Variants in TMEM132E observed in about 807,000 individuals in gnomAD.
TMEM132E encodes transmembrane protein 132E.
A neutral mutation model predicts 78.5 loss-of-function variants in TMEM132E; 49 were observed. The ratio of observed to expected loss-of-function variants is 0.62; its 90% confidence interval spans 0.50 to 0.79. The LOEUF (loss-of-function observed/expected upper bound fraction) is 0.79. Among genes scored for constraint, TMEM132E ranks in the 30% least tolerant of loss-of-function variants. The probability of loss-of-function intolerance (pLI) is 0.00; values close to 1 mark genes in which losing one functional copy is unlikely to be tolerated. For synonymous variants in TMEM132E, 715 were observed against 670.6 expected (o/e 1.07, Z -1.02); for missense variants, 1,403 against 1,470.9 (o/e 0.95, Z 0.75).
rs376399991 is a variant in TMEM132E, at chr17:34,596,140, G to A, written c.67+14997G>A. Among the ~76,000 whole-genome samples the A allele has an allele frequency of 1.2e-4, 18 of 152,276 alleles. No individual in the cohort carries two copies. In the East Asian group the frequency reaches 1.7e-3, roughly 15 times the overall value. ...CCCAGTGAAGGCCATCTTTAGAAGA[G>A]AGATTTCCCCTGTCTGGGGTGTGGC... is the stretch of plus-strand genomic sequence containing the variant. On this transcript the variant is annotated intron_variant, in intron 1 of 8. Coordinates refer to ENST00000631683, the MANE Select transcript of TMEM132E (RefSeq NM_001304438.2).
intron 1 of TMEM132E, among the ~76,000 whole-genome samples, chr17:34,613,174 T>TACAC (rs1052726474): frequency 0.028 from 3,069 of 109,214 alleles, 153 homozygotes; most frequent in African/African-American, 0.088. Flanking sequence ...TCTCTCTCTC[T>TACAC]ACACACACAC....
intron 3 of TMEM132E, 59 bp downstream of exon 3, chr17:34,628,768 G>C: frequency 6.7e-7 from 1 of 1,500,456 alleles, no homozygotes; most frequent in Non-Finnish European, 8.9e-7. Flanking sequence ...TGAGAGGAGT[G>C]GGGAATCTTT....
chr17:34,580,207 T>G lies in TMEM132E; in HGVS notation c.-870T>G, dbSNP rs1225064925. ...CAGGAAGGGCTCGGGGCAGGGCGCA[T>G]TAGCCGGCTTTCTCGCTCCCTCGCT... On this transcript the variant is annotated 5_prime_UTR_variant, in exon 1 of 9. Transcript: ENST00000631683. 6.6e-6 allele frequency: 1 copy of G among 152,362 alleles called. No individual in the cohort carries two copies. Among genetic ancestry groups the G allele is most frequent in the African/African-American group, 2.4e-5 (1 of 41,462 alleles). The allele number at this position is 152,362 out of a possible 1,614,324, so 9.4% of individuals were successfully genotyped here. A position where few individuals can be genotyped will look rare whatever the true frequency, so the allele number is the denominator to read the frequency against.
rs147988773 is a variant in TMEM132E at position 34,594,699 on chromosome 17, C to T, written c.67+13556C>T. On this transcript the variant is annotated intron_variant, in intron 1 of 8. Coordinates refer to ENST00000631683, the MANE Select transcript of TMEM132E (RefSeq NM_001304438.2). Reference sequence around the variant, plus strand: ...CGAACTCTTGGGCTCAAGTGATCCTCCTGCCTCAGCCTCCTGAGTAGTAGC... The same window carrying T: ...CGAACTCTTGGGCTCAAGTGATCCTTCTGCCTCAGCCTCCTGAGTAGTAGC... 3.5e-3 allele frequency among the ~76,000 whole-genome samples: 533 copies of T among 152,316 alleles called. 2 individuals are homozygous for T. Among genetic ancestry groups the T allele is most frequent in the African/African-American group, 0.012 (490 of 41,576 alleles).
At chr17:34,624,223 A>T (rs1907052906) in intron 1 of TMEM132E, among the ~76,000 whole-genome samples, 1 of 152,258 alleles carries the variant, frequency 6.6e-6, no homozygotes, top group Non-Finnish European at 1.5e-5. Flanking sequence ...GAGGAACTGG[A>T]TGTGAATGTT....
intron 1 of TMEM132E, among the ~76,000 whole-genome samples, chr17:34,607,770 A>G (rs1379908351): frequency 6.6e-6 from 1 of 150,718 alleles, no homozygotes; most frequent in Non-Finnish European, 1.5e-5. Context: ...TTTTTTAACT[A>G]TTACCAGTTT....
At chr17:34,590,036 T>C (rs1355802045) in intron 1 of TMEM132E, among the ~76,000 whole-genome samples, 1 of 151,946 alleles carries the variant, frequency 6.6e-6, no homozygotes, top group Non-Finnish European at 1.5e-5. Flanking sequence ...CTGTGGGAGG[T>C]GGTGGGGTGA....
chr17:34,584,006 C>G (rs1905581460), intron 1 of TMEM132E, among the ~76,000 whole-genome samples: 1 of 152,220 alleles, frequency 6.6e-6, no homozygotes, highest in Admixed American at 6.5e-5. Context: ...CTCCCAGCCC[C>G]ACTGTTAGTT....
intron 7 of TMEM132E, among the ~76,000 whole-genome samples, chr17:34,635,556 T>C (rs1040681733): frequency 1.3e-5 from 2 of 152,238 alleles, no homozygotes; most frequent in African/African-American, 4.8e-5. Flanking sequence ...AATTGGGAGA[T>C]TTCTCATTTA....
intron 1 of TMEM132E, among the ~76,000 whole-genome samples, chr17:34,591,683 G>A (rs1191663273): frequency 1.3e-5 from 2 of 152,026 alleles, no homozygotes; most frequent in African/African-American, 4.8e-5. Context: ...GCAGCTGAAG[G>A]AGCGGATCCA....
chr17:34,610,996 A>T (rs1282182825), intron 1 of TMEM132E, among the ~76,000 whole-genome samples: 2 of 152,244 alleles, frequency 1.3e-5, no homozygotes, highest in South Asian at 4.1e-4. Flanking sequence ...ATCCAGTGCC[A>T]TATTGGGTCC....
chr17:34,604,449 G>A (rs991700914), intron 1 of TMEM132E, among the ~76,000 whole-genome samples: 1 of 152,190 alleles, frequency 6.6e-6, no homozygotes, highest in Non-Finnish European at 1.5e-5. Context: ...CCCATTGTCT[G>A]TGTGGAGGAT....
intron 1 of TMEM132E, among the ~76,000 whole-genome samples, chr17:34,619,046 G>T (rs73988741): frequency 1.3e-5 from 2 of 152,136 alleles, no homozygotes; most frequent in Admixed American, 1.3e-4. Context: ...ACTCCCTTAG[G>T]TTATACCACT....
chr17:34,607,753 C>CT (rs113434207), intron 1 of TMEM132E, among the ~76,000 whole-genome samples: 1,640 of 145,690 alleles, frequency 0.011, 28 homozygotes, highest in African/African-American at 0.031. Context: ...TCAGGAAAAT[C>CT]TTTTTTTTTT....
rs1567714739 is a variant in TMEM132E, at chr17:34,607,924, A to G, written c.68-18203A>G. On this transcript the variant is annotated intron_variant, in intron 1 of 8. Transcript: ENST00000631683. Reference sequence around the variant, plus strand: ...CGGATATATTGTTCACCAACCTGGGAGACCTCCAAACCCCGTAGTTTAGGT... The same window carrying G: ...CGGATATATTGTTCACCAACCTGGGGGACCTCCAAACCCCGTAGTTTAGGT... Among the ~76,000 whole-genome samples, 4 of 152,180 alleles carry G rather than the reference A, an allele frequency of 2.6e-5. No individual in the cohort carries two copies. The East Asian group carries it at 7.7e-4, about 29-fold the overall frequency.
At chr17:34,622,850 T>C (rs1269832556) in intron 1 of TMEM132E, among the ~76,000 whole-genome samples, 2 of 152,040 alleles carry the variant, frequency 1.3e-5, no homozygotes, top group Non-Finnish European at 2.9e-5. Flanking sequence ...GCATATAATA[T>C]AGAGGTAAGT....
At chr17:34,617,092 C>T (rs541750223) in intron 1 of TMEM132E, among the ~76,000 whole-genome samples, 7 of 152,234 alleles carry the variant, frequency 4.6e-5, no homozygotes, top group African/African-American at 7.2e-5. Flanking sequence ...CATCACCTCT[C>T]CTTCGGCCAG....
intron 1 of TMEM132E, among the ~76,000 whole-genome samples, chr17:34,612,973 G>A (rs1198387214): frequency 6.6e-6 from 1 of 151,926 alleles, no homozygotes; most frequent in East Asian, 1.9e-4. Flanking sequence ...AAATGTTAGG[G>A]GGACCCCATG....
At chr17:34,628,834 G>T (rs1002872991) in intron 3 of TMEM132E, 125 bp downstream of exon 3, 3 of 1,389,468 alleles carry the variant, frequency 2.2e-6, no homozygotes, top group Non-Finnish European at 2.9e-6. Context: ...GGTCTCTGAG[G>T]TCCAGGCCCC....
Sources: gnomAD v4.1 joint callset for allele counts (sites outside exome capture counted in the v4.1 genomes callset) on GRCh38, gnomAD v4.1.1 for gene constraint, MANE v1.5 for transcripts, NCBI Gene and HGNC (gene_info 2026-07-23, HGNC 2026-07-21) for gene names.